The following SYNPR variants were observed in gnomAD, a reference collection of about 807,000 sequenced individuals.
SYNPR encodes the protein synaptoporin.
Under a neutral mutation model 32.9 loss-of-function variants are expected in SYNPR, and 23 were observed. The ratio of observed to expected loss-of-function variants is 0.70; its 90% CI spans 0.50 to 0.99. The LOEUF is 0.99. Ranked by LOEUF, SYNPR falls within the 50% of genes least tolerant of loss-of-function variation. The pLI is 0.00. For missense variants in SYNPR, 318 were observed against 349.3 expected (o/e 0.91, Z 0.71); for synonymous variants, 146 against 135.9 (o/e 1.07, Z -0.52).
At chr3:63,268,320 C>T (rs1439607514) in intron 3 of SYNPR, among the ~76,000 whole-genome samples, 1 of 152,082 alleles carries the variant, frequency 6.6e-6, no homozygotes, top group Non-Finnish European at 1.5e-5. Flanking sequence ...ACTTCTGTTT[C>T]TATTTAAATA....
At chr3:63,472,918 T>G (rs1403420133) in intron 2 of SYNPR, among the ~76,000 whole-genome samples, 2 of 152,174 alleles carry the variant, frequency 1.3e-5, no homozygotes, top group East Asian at 3.9e-4. Flanking sequence ...CTCAACTTTG[T>G]CATCAGAGCA....
intron 2 of SYNPR, among the ~76,000 whole-genome samples, chr3:63,295,936 T>A (rs2086788692): frequency 6.6e-6 from 1 of 152,240 alleles, no homozygotes; most frequent in South Asian, 2.1e-4. Flanking sequence ...TGGGAGAGAT[T>A]CAGTTTCCTC....
intron 2 of SYNPR, among the ~76,000 whole-genome samples, chr3:63,464,080 G>A (rs745704445): frequency 2.0e-5 from 3 of 152,132 alleles, no homozygotes; most frequent in Non-Finnish European, 4.4e-5. Context: ...GTAAAGAAGG[G>A]ATGCATTTCC....
chr3:63,575,141 G>A (rs572151055), intron 4 of SYNPR, among the ~76,000 whole-genome samples: 1 of 152,234 alleles, frequency 6.6e-6, no homozygotes, highest in Admixed American at 6.5e-5. Flanking sequence ...ACAAGCATGA[G>A]CTGAGTATTA....
intron 3 of SYNPR, among the ~76,000 whole-genome samples, chr3:63,503,545 C>T (rs551961666): frequency 6.6e-6 from 1 of 152,208 alleles, no homozygotes; most frequent in African/African-American, 2.4e-5. Context: ...TTAATCTCAA[C>T]TCTTTTTTAC....
chr3:63,566,214 C>T (rs575757373), intron 4 of SYNPR, among the ~76,000 whole-genome samples: 3 of 152,204 alleles, frequency 2.0e-5, no homozygotes, highest in African/African-American at 7.2e-5. Context: ...TTAACTTTTA[C>T]GGCTACCACA....
intron 2 of SYNPR, among the ~76,000 whole-genome samples, chr3:63,444,769 C>T (rs1273483464): frequency 6.6e-6 from 1 of 152,084 alleles, no homozygotes; most frequent in Non-Finnish European, 1.5e-5. Context: ...AATGAAGCTA[C>T]TCATTTTGAC....
intron 2 of SYNPR, among the ~76,000 whole-genome samples, chr3:63,420,300 A>G (rs1699765060): frequency 6.6e-6 from 1 of 152,212 alleles, no homozygotes; most frequent in Admixed American, 6.5e-5. Context: ...GGGCAATGTT[A>G]TAATATATAT....
At chr3:63,453,555 C>G (rs893158596) in intron 2 of SYNPR, among the ~76,000 whole-genome samples, 2 of 152,108 alleles carry the variant, frequency 1.3e-5, no homozygotes, top group African/African-American at 4.8e-5. Context: ...AGGTGTTTAT[C>G]TGGGATAAGG....
chr3:63,343,630 A>G (rs1219268994), intron 2 of SYNPR, among the ~76,000 whole-genome samples: 1 of 152,224 alleles, frequency 6.6e-6, no homozygotes, highest in East Asian at 1.9e-4. Flanking sequence ...TTTAGACAAC[A>G]TTCAGACTAT....
chr3:63,530,130 C>T (rs1702084748), intron 3 of SYNPR, among the ~76,000 whole-genome samples: 1 of 152,076 alleles, frequency 6.6e-6, no homozygotes, highest in Non-Finnish European at 1.5e-5. Context: ...TAAAAACACC[C>T]TAGGAGATGT....
chr3:63,249,697 A>G (rs937808950), intron 1 of SYNPR, among the ~76,000 whole-genome samples: 3 of 152,184 alleles, frequency 2.0e-5, no homozygotes, highest in African/African-American at 7.2e-5. Context: ...AACTTATGGA[A>G]AAATAATTAC....
At chr3:63,240,202 T>C (rs1477836808) in intron 1 of SYNPR, among the ~76,000 whole-genome samples, 1 of 150,406 alleles carries the variant, frequency 6.6e-6, no homozygotes, top group Non-Finnish European at 1.5e-5. Flanking sequence ...AAACAGAGAG[T>C]TCAAACTGAC....
chr3:63,369,460 C>T (rs1161365698), intron 2 of SYNPR, among the ~76,000 whole-genome samples: 3 of 152,184 alleles, frequency 2.0e-5, no homozygotes, highest in African/African-American at 7.2e-5. Flanking sequence ...AACATAAAAT[C>T]AATTGAAAAG....
intron 4 of SYNPR, among the ~76,000 whole-genome samples, chr3:63,579,068 G>A (rs749953804): frequency 4.1e-4 from 63 of 152,012 alleles, no homozygotes; most frequent in Non-Finnish European, 4.4e-4. Flanking sequence ...GTCACCTCTC[G>A]TTTAAAGTTC....
At chr3:63,604,484 C>T (rs1031933305) in intron 4 of SYNPR, among the ~76,000 whole-genome samples, 5 of 152,090 alleles carry the variant, frequency 3.3e-5, no homozygotes, top group African/African-American at 1.2e-4. Flanking sequence ...GTGTTTAGTG[C>T]TATAAACTTC....
At chr3:63,384,070 T>C (rs2088010144) in intron 2 of SYNPR, among the ~76,000 whole-genome samples, 1 of 152,238 alleles carries the variant, frequency 6.6e-6, no homozygotes, top group African/African-American at 2.4e-5. Context: ...CAAAATGTCT[T>C]CTTCAAAGTA....
rs75252731 is a variant in SYNPR, at chr3:63,606,205, G to A, written c.409-2920G>A. On this transcript the variant is annotated intron_variant, in intron 4 of 5. Transcript: ENST00000478300. Reference sequence around the variant, plus strand: ...AAACCCAGGTCTGCCTAATGACAAAGTCTGAACTTTTAACTCAGATAAGAG... The same window carrying A: ...AAACCCAGGTCTGCCTAATGACAAAATCTGAACTTTTAACTCAGATAAGAG... Among the ~76,000 whole-genome samples the A allele has an allele frequency of 2.5e-3, 384 of 152,166 alleles. 15 individuals carry two copies. In the East Asian group the frequency reaches 0.069, roughly 27 times the overall value.
chr3:63,265,241 C>CTTTTTTTTTTTTTTTTTTTTTTTT lies in SYNPR; in HGVS notation n.155-2073_155-2050dup, dbSNP rs71126590. ...TGGCAATTTGGTTTCTAATGACATTCTTTTTTTTTTTTTTTTTTTTTTTTT... is the reference window on the plus strand; with the variant it reads ...TGGCAATTTGGTTTCTAATGACATTCTTTTTTTTTTTTTTTTTTTTTTTTTTTTTTTTTTTTTTTTTTTTTTTTT... On this transcript the variant is annotated intron_variant and non_coding_transcript_variant, in intron 2 of 4. Coordinates refer to the SYNPR transcript ENST00000478456. 5.9e-5 allele frequency among the ~76,000 whole-genome samples: 6 copies of CTTTTTTTTTTTTTTTTTTTTTTTT among 102,200 alleles called. 1 individual carries two copies. Among genetic ancestry groups the CTTTTTTTTTTTTTTTTTTTTTTTT allele is most frequent in the Admixed American group, 2.1e-4 (2 of 9,352 alleles). The allele number at this position is 102,200 out of a possible 152,430, so 67.0% of individuals were successfully genotyped here.
Sources: gnomAD v4.1 joint callset for allele counts (sites outside exome capture counted in the v4.1 genomes callset) on GRCh38, gnomAD v4.1.1 for gene constraint, MANE v1.5 for transcripts, NCBI Gene and HGNC (gene_info 2026-07-23, HGNC 2026-07-21) for gene names.